Variants in GMDS observed in about 807,000 individuals in gnomAD.
GMDS encodes GDP-mannose 4,6 dehydratase.
Under a neutral mutation model 49.9 loss-of-function variants are expected in GMDS, and 20 were observed. The ratio of observed to expected loss-of-function variants is 0.40; its 90% CI spans 0.28 to 0.58. GMDS has a LOEUF of 0.58. GMDS is among the 20% of genes least tolerant of loss of function. The probability of loss-of-function intolerance (pLI) is 0.42; values close to 1 mark genes in which losing one functional copy is unlikely to be tolerated. For synonymous variants in GMDS, 177 were observed against 178.6 expected (o/e 0.99, Z 0.07); for missense variants, 362 against 481.4 (o/e 0.75, Z 2.32).
intron 9 of GMDS, among the ~76,000 whole-genome samples, chr6:1,693,614 C>T (rs1026661458): frequency 7.9e-5 from 12 of 152,142 alleles, no homozygotes; most frequent in African/African-American, 2.9e-4. Context: ...GTCTTTTGGG[C>T]AGGAGGGCAA....
intron 1 of GMDS, among the ~76,000 whole-genome samples, chr6:2,162,659 AACACACACACACACACAC>A (rs67198377): frequency 1.3e-3 from 170 of 135,826 alleles, no homozygotes; most frequent in Middle Eastern, 7.8e-3. Flanking sequence ...ATAACATTCC[AACACACACACACACACAC>A]ACACACACAC....
At chr6:2,060,147 G>A (rs1771059587) in intron 4 of GMDS, among the ~76,000 whole-genome samples, 1 of 152,050 alleles carries the variant, frequency 6.6e-6, no homozygotes. Context: ...TGTTTGATAG[G>A]TGAAAAACTG....
At chr6:2,136,333 G>A (rs1475532648) in intron 1 of GMDS, among the ~76,000 whole-genome samples, 7 of 152,124 alleles carry the variant, frequency 4.6e-5, no homozygotes, top group African/African-American at 1.7e-4. Flanking sequence ...ATACTTAAAA[G>A]TTTTCTCATA....
intron 4 of GMDS, among the ~76,000 whole-genome samples, chr6:1,985,901 A>G (rs1765516965): frequency 6.6e-6 from 1 of 152,224 alleles, no homozygotes; most frequent in Admixed American, 6.5e-5. Context: ...AAAATGGGCA[A>G]GTCAGAATTT....
intron 7 of GMDS, among the ~76,000 whole-genome samples, chr6:1,879,843 G>C (rs1759276924): frequency 6.6e-6 from 1 of 152,070 alleles, no homozygotes; most frequent in Non-Finnish European, 1.5e-5. Flanking sequence ...AGATAGTACA[G>C]CCTTTCTAGG....
chr6:2,124,717 C>T lies in GMDS; in HGVS notation c.117G>A (p.Leu39=), dbSNP rs1202121824. Residue 39 remains leucine, a synonymous_variant, in exon 2 of 11, where the codon CTG becomes CTA. Transcript: ENST00000380815. ...AGCCTTTCTCCAGCAGGAACTCAGC[C>T]AGGTAGGAACCATCCTGGGGAGAAA... ...TGITGQDGSY[L]AEFLLEKGYE... 8.1e-6 allele frequency: 13 copies of T among 1,613,520 alleles called. No homozygotes were observed. The highest frequency in any genetic ancestry group is 1.1e-5 in the Non-Finnish European group (13 of 1,179,688).
intron 9 of GMDS, among the ~76,000 whole-genome samples, chr6:1,670,968 G>C (rs2113279516): frequency 6.6e-6 from 1 of 152,288 alleles, no homozygotes; most frequent in Admixed American, 6.5e-5. Context: ...GAGTTTTGCT[G>C]TCACCTCATG....
chr6:2,040,062 TG>T (rs1417463869), intron 4 of GMDS, among the ~76,000 whole-genome samples: 1 of 152,230 alleles, frequency 6.6e-6, no homozygotes, highest in African/African-American at 2.4e-5. Context: ...TATAATCTTA[TG>T]GTGCCACTGT....
At chr6:2,169,637 C>CA (rs1049968142) in intron 1 of GMDS, among the ~76,000 whole-genome samples, 17 of 132,376 alleles carry the variant, frequency 1.3e-4, no homozygotes, top group South Asian at 2.5e-4. Context: ...AAAAAAAAAA[C>CA]AAAAAAAAAG....
intron 1 of GMDS, among the ~76,000 whole-genome samples, chr6:2,193,250 C>T (rs181050546): frequency 6.6e-6 from 1 of 152,338 alleles, no homozygotes; most frequent in Admixed American, 6.5e-5. Flanking sequence ...GAGCGTAAAA[C>T]CTCACTCAAG....
chr6:1,779,975 G>T (rs1769014774), intron 7 of GMDS, among the ~76,000 whole-genome samples: 1 of 152,196 alleles, frequency 6.6e-6, no homozygotes, highest in African/African-American at 2.4e-5. Context: ...CAAAGGCACA[G>T]TGTGGTCCAG....
At position 2,059,175 on chromosome 6, in the gene GMDS, C is replaced by CAAA. The variant is rs55832305; in HGVS notation, c.345+56593_345+56595dup. Among the ~76,000 whole-genome samples the CAAA allele has an allele frequency of 1.6e-3, 48 of 30,016 alleles. 5 individuals carry two copies. Among genetic ancestry groups the CAAA allele is most frequent in the African/African-American group, 5.0e-3 (38 of 7,592 alleles). 19.7% of individuals were successfully genotyped at this position (30,016 alleles called of 152,430 possible). On this transcript the variant is annotated intron_variant, in intron 4 of 10. Coordinates refer to ENST00000380815, the MANE Select transcript of GMDS (RefSeq NM_001500.4). ...TGGGCGACAGAGTGATCCTCTGTCT[C>CAAA]AAAAAAAAAAAAAAAAAAAAAAAAA...
intron 7 of GMDS, among the ~76,000 whole-genome samples, chr6:1,783,447 C>A (rs1304835502): frequency 1.3e-5 from 2 of 152,172 alleles, no homozygotes; most frequent in African/African-American, 2.4e-5. Context: ...GCTTCGTTGA[C>A]CACTGTATCC....
At chr6:2,234,284 A>T (rs556657010) in intron 1 of GMDS, among the ~76,000 whole-genome samples, 1 of 152,282 alleles carries the variant, frequency 6.6e-6, no homozygotes, top group East Asian at 1.9e-4. Flanking sequence ...CAAAAAGCAG[A>T]CTCTCTTAAA....
intron 1 of GMDS, among the ~76,000 whole-genome samples, chr6:2,133,133 G>A (rs994227180): frequency 1.4e-4 from 22 of 152,228 alleles, no homozygotes; most frequent in African/African-American, 5.3e-4. Flanking sequence ...ATGATGTTTT[G>A]CAGGTACTCT....
At chr6:1,906,697 G>A (rs1006509104) in intron 7 of GMDS, among the ~76,000 whole-genome samples, 2 of 152,152 alleles carry the variant, frequency 1.3e-5, no homozygotes, top group African/African-American at 4.8e-5. Flanking sequence ...AAGCCAGGGG[G>A]TTTCCTGCAG....
intron 7 of GMDS, among the ~76,000 whole-genome samples, chr6:1,787,103 C>T (rs1042463904): frequency 3.9e-5 from 6 of 152,242 alleles, no homozygotes; most frequent in Non-Finnish European, 7.3e-5. Flanking sequence ...TAGACTTGAA[C>T]ATTTACTGCA....
chr6:1,865,801 T>C (rs1163475951), intron 7 of GMDS, among the ~76,000 whole-genome samples: 2 of 152,012 alleles, frequency 1.3e-5, no homozygotes, highest in African/African-American at 4.8e-5. Flanking sequence ...CAAAGGCAGT[T>C]AGAAAAATGC....
At chr6:1,839,601 T>C (rs1296058476) in intron 7 of GMDS, among the ~76,000 whole-genome samples, 1 of 152,238 alleles carries the variant, frequency 6.6e-6, no homozygotes, top group Admixed American at 6.5e-5. Flanking sequence ...CCTTCAAGTA[T>C]ATATCAGATC....
Sources: allele counts gnomAD v4.1 joint callset (sites outside exome capture counted in the v4.1 genomes callset), GRCh38; gene constraint gnomAD v4.1.1; transcripts MANE v1.5; gene names NCBI Gene and HGNC (gene_info 2026-07-23, HGNC 2026-07-21).